Variants in SMYD4 observed in about 807,000 individuals in gnomAD.
The protein encoded by SMYD4 is protein-lysine N-methyltransferase SMYD4.
SMYD4 carries 68 observed loss-of-function variants against 72.8 expected under a neutral mutation model. The ratio of observed to expected loss-of-function variants is 0.93; its 90% confidence interval spans 0.77 to 1.14. The LOEUF is 1.14. Among genes scored for constraint, SMYD4 ranks in the 50% most tolerant of loss-of-function variants. The pLI, the probability that SMYD4 is intolerant of heterozygous loss-of-function variation, is 0.00. For synonymous variants in SMYD4, 407 were observed against 388.6 expected (o/e 1.05, Z -0.56); for missense variants, 984 against 1,003.7 (o/e 0.98, Z 0.27).
chr17:1,812,943 G>A (rs968670253), intron 2 of SMYD4, among the ~76,000 whole-genome samples: 1 of 53,276 alleles, frequency 1.9e-5, no homozygotes, highest in African/African-American at 7.6e-5. Context: ...CATCATAAAA[G>A]ATTTTTTTTT....
Position 1,800,087 on chromosome 17 carries a change from C to T in SMYD4, c.1307G>A (p.Ser436Asn). ...FNLLPHTENHSPEHKFLCALC... is the reference protein window; with the variant it reads ...FNLLPHTENHNPEHKFLCALC... ...AGCACAGAGGAATTTGTGCTCTGGGCTATGGTTTTCAGTGTGGGGCAAAAG... is the reference window on the plus strand; with the variant it reads ...AGCACAGAGGAATTTGTGCTCTGGGTTATGGTTTTCAGTGTGGGGCAAAAG... Residue 436 changes from serine (S) to asparagine (N), a missense_variant, in exon 5 of 11, where the codon AGC becomes AAC. Physicochemically the swap from Ser to Asn is conservative, Grantham distance 46 (BLOSUM62 1). Transcript: ENST00000305513. 1 of 1,611,470 alleles carries T rather than the reference C, an allele frequency of 6.2e-7. No homozygotes were observed. The highest frequency in any genetic ancestry group is 8.5e-7 in the Non-Finnish European group (1 of 1,178,222).
intron 5 of SMYD4, 45 bp from the exon 6 acceptor site, chr17:1,787,649 GC>G: frequency 6.6e-7 from 1 of 1,510,414 alleles, no homozygotes; most frequent in Non-Finnish European, 8.9e-7. Context: ...CAGCACATGA[GC>G]CCTGGCCTTG....
At chr17:1,783,670 A>AAAC in intron 8 of SMYD4, 194 bp from the exon 9 acceptor site, 2 of 1,013,428 alleles carry the variant, frequency 2.0e-6, no homozygotes, top group Non-Finnish European at 1.4e-6. Context: ...TCAGTGGAGA[A>AAAC]AGGCGCTAGG....
At chr17:1,826,303 C>T (rs773063034) in intron 2 of SMYD4, among the ~76,000 whole-genome samples, 16 of 151,572 alleles carry the variant, frequency 1.1e-4, no homozygotes, top group Non-Finnish European at 1.9e-4. Context: ...GACCAGCCTG[C>T]CCAACATGGC....
intron 2 of SMYD4, 98 bp from the exon 3 acceptor site, chr17:1,812,213 A>G: frequency 7.9e-7 from 1 of 1,265,482 alleles, no homozygotes; most frequent in Admixed American, 2.1e-5. Flanking sequence ...GGCCCGCAAA[A>G]CATTTCACAC....
rs569234523 is a variant in SMYD4, at chr17:1,829,811, G to A, written c.-98C>T. 1 of 255,380 alleles carries A rather than the reference G, an allele frequency of 3.9e-6. No individual in the cohort carries two copies. The highest frequency in any genetic ancestry group is 7.3e-6 in the Non-Finnish European group (1 of 136,472). The allele number at this position is 255,380 out of a possible 1,614,324, so 15.8% of individuals were successfully genotyped here. ...ACTGCGCCCTGGTCTCCCTCCCAGC[G>A]CCCGCGCAGCTCCTGGCGCGCCCCT... On this transcript the variant is annotated 5_prime_UTR_variant, in exon 1 of 11. Transcript: ENST00000305513.
At chr17:1,785,589 G>A (rs1490335432) in intron 7 of SMYD4, among the ~76,000 whole-genome samples, 3 of 151,542 alleles carry the variant, frequency 2.0e-5, no homozygotes, top group South Asian at 4.2e-4. Context: ...TGGCCAACTC[G>A]TCTCTACTAA....
chr17:1,810,522 C>A (rs1313828673), intron 3 of SMYD4, among the ~76,000 whole-genome samples: 1 of 151,710 alleles, frequency 6.6e-6, no homozygotes, highest in Non-Finnish European at 1.5e-5. Flanking sequence ...GGCTCAGTGA[C>A]CCTCCTGCCT....
At chr17:1,822,806 C>T (rs975989849) in intron 2 of SMYD4, among the ~76,000 whole-genome samples, 5 of 152,116 alleles carry the variant, frequency 3.3e-5, no homozygotes, top group Admixed American at 3.3e-4. Context: ...CACCACCAAT[C>T]ACCAATTAGA....
intron 5 of SMYD4, among the ~76,000 whole-genome samples, chr17:1,794,105 A>ATATATATATTTTT (rs1291818005): frequency 1.5e-4 from 2 of 12,990 alleles, no homozygotes; most frequent in African/African-American, 3.6e-4. Context: ...ATATATATAT[A>ATATATATATTTTT]TTTTTTTTTT....
At chr17:1,817,626 C>T (rs1910681320) in intron 2 of SMYD4, among the ~76,000 whole-genome samples, 2 of 152,202 alleles carry the variant, frequency 1.3e-5, no homozygotes, top group South Asian at 4.1e-4. Context: ...TGTGAGCCAC[C>T]ATGCCCAGCC....
intron 2 of SMYD4, among the ~76,000 whole-genome samples, chr17:1,815,236 G>T (rs1910527626): frequency 6.6e-6 from 1 of 151,924 alleles, no homozygotes. Flanking sequence ...GCTAATTTTT[G>T]TATTTTTAGT....
At chr17:1,786,428 G>T (rs1223764825) in intron 7 of SMYD4, among the ~76,000 whole-genome samples, 2 of 152,118 alleles carry the variant, frequency 1.3e-5, no homozygotes, top group Non-Finnish European at 2.9e-5. Context: ...GCCCAGGCTG[G>T]TCTTGAACCC....
Position 1,781,432 on chromosome 17 carries a change from C to T in SMYD4, c.2269G>A (p.Val757Ile), listed in dbSNP as rs1781336604. The change falls in exon 11 of 11, where the codon GTA (valine) becomes ATA (isoleucine). Residue 757 changes from valine (V) to isoleucine (I), a missense_variant. Physicochemically the swap from Val to Ile is conservative, Grantham distance 29 (BLOSUM62 3). Transcript: ENST00000305513. ...LAQIFFNGFA[V>I]PEALSTIQKA... The stretch of plus-strand genomic sequence containing the variant: ...TGTATTGTGCTCAGGGCTTCGGGTA[C>T]TGCAAACCTGAGCCAAGGGAGGTAA... 6.2e-7 allele frequency: 1 copy of T among 1,612,948 alleles called. No individual in the cohort carries two copies.
chr17:1,795,405 CTCTATCTA>C (rs6145948), intron 5 of SMYD4, among the ~76,000 whole-genome samples: 5,401 of 148,906 alleles, frequency 0.036, 140 homozygotes, highest in South Asian at 0.09. Context: ...ACGATCTCAG[CTCTATCTA>C]TCTATCTATC....
At chr17:1,784,707 T>C (rs1908559114) in intron 7 of SMYD4, 2 of 352,632 alleles carry the variant, frequency 5.7e-6, no homozygotes, top group Non-Finnish European at 7.9e-6. Context: ...ACTGGTACAG[T>C]GCACAATTTC....
intron 2 of SMYD4, among the ~76,000 whole-genome samples, chr17:1,818,018 G>A (rs193236452): frequency 0.012 from 1,683 of 145,158 alleles, 38 homozygotes; most frequent in African/African-American, 0.041. Flanking sequence ...CTGCACTCCA[G>A]CCTGGGCGAT....
intron 2 of SMYD4, among the ~76,000 whole-genome samples, chr17:1,815,718 G>C (rs1438473048): frequency 2.0e-5 from 2 of 99,976 alleles, no homozygotes; most frequent in South Asian, 2.9e-4. Flanking sequence ...TTTTTTTTTT[G>C]AGACGAAGTC....
Position 1,784,595 on chromosome 17 carries a change from G to A in SMYD4, c.1885-134C>T, listed in dbSNP as rs946255074. ...GACTCCTGTAACAATACATCGTGAC[G>A]AAAGTCTGAGCGAATTTTGTTTGAT... On this transcript the variant is annotated intron_variant, in intron 7 of 10. Coordinates refer to ENST00000305513, the MANE Select transcript of SMYD4 (RefSeq NM_052928.3). 24 of 1,471,646 alleles carry A rather than the reference G, an allele frequency of 1.6e-5. 1 individual carries two copies. The highest frequency in any genetic ancestry group is 1.5e-4 in the South Asian group (11 of 72,442). 91.2% of individuals were successfully genotyped at this position (1,471,646 alleles called of 1,614,324 possible).
Sources: gnomAD v4.1 joint callset for allele counts (sites outside exome capture counted in the v4.1 genomes callset) on GRCh38, gnomAD v4.1.1 for gene constraint, MANE v1.5 for transcripts, NCBI Gene and HGNC (gene_info 2026-07-23, HGNC 2026-07-21) for gene names.